The following EZH2 variants were observed in gnomAD, a reference collection of about 807,000 sequenced individuals.
The protein encoded by EZH2 is histone-lysine N-methyltransferase EZH2.
In EZH2, 18 loss-of-function variants were observed where a neutral mutation model predicts 98.4. The observed-to-expected ratio is 0.18, with a 90% CI of 0.13 to 0.27. The LOEUF (loss-of-function observed/expected upper bound fraction) is 0.27, where lower values mean the gene tolerates loss of function less well. Among genes scored for constraint, EZH2 ranks in the 10% least tolerant of loss-of-function variants. EZH2 has a pLI of 1.00. For synonymous variants in EZH2, 338 were observed against 312.3 expected, an observed-to-expected ratio of 1.08 and a Z score of -0.87; for missense variants, 470 against 935.1, an observed-to-expected ratio of 0.50 and a Z score of 6.49.
In EZH2 at chr7:148,828,897, G is replaced by T. The variant is rs764034832; in HGVS notation, c.485-17C>A. On this transcript the variant is annotated splice_polypyrimidine_tract_variant and intron_variant, in intron 5 of 19. Coordinates refer to ENST00000320356, the MANE Select transcript of EZH2 (RefSeq NM_004456.5). ...ACCCACATTCTGAAACGCATCAAAT[G>T]TCAGAAACACACAGGAGAAGCAATA... 7.5e-6 allele frequency: 12 copies of T among 1,590,926 alleles called. No individual in the cohort carries two copies. In the East Asian group the frequency reaches 2.1e-4, roughly 27 times the overall value.
chr7:148,840,344 T>A (rs985631702), intron 3 of EZH2, among the ~76,000 whole-genome samples: 3 of 152,128 alleles, frequency 2.0e-5, no homozygotes, highest in East Asian at 1.9e-4. Context: ...ACATATTTTT[T>A]AAAAGAATGA....
intron 1 of EZH2, among the ~76,000 whole-genome samples, chr7:148,878,465 T>A (rs1820477190): frequency 6.6e-6 from 1 of 152,254 alleles, no homozygotes; most frequent in Non-Finnish European, 1.5e-5. Context: ...TATGTCTGAA[T>A]TATTTTGAAA....
intron 1 of EZH2, among the ~76,000 whole-genome samples, chr7:148,856,428 T>C (rs1175905441): frequency 3.9e-5 from 6 of 152,234 alleles, no homozygotes; most frequent in Admixed American, 2.0e-4. Context: ...AACGTAGGTA[T>C]GTATGCACAT....
At chr7:148,815,671 CTGCCCAGTTTATATT>C (rs1804360796) in intron 12 of EZH2, 125 bp from the exon 13 acceptor site, 1 of 825,892 alleles carries the variant, frequency 1.2e-6, no homozygotes, top group Non-Finnish European at 2.0e-6. Flanking sequence ...GAGTCATGCC[CTGCCCAGTTTATATT>C]TGCCATCAGT....
intron 14 of EZH2, 125 bp downstream of exon 14, chr7:148,814,789 C>G: frequency 1.7e-6 from 2 of 1,205,158 alleles, no homozygotes; most frequent in Non-Finnish European, 2.2e-6. Flanking sequence ...AAATACTTGT[C>G]AAATTGATGA....
intron 9 of EZH2, chr7:148,818,926 AAC>A (rs1268521527): frequency 2.5e-6 from 1 of 393,018 alleles, no homozygotes; most frequent in African/African-American, 2.1e-5. Context: ...GACAGCAGCC[AAC>A]AGTTTTATAC....
chr7:148,860,772 G>C (rs560207940), intron 1 of EZH2, among the ~76,000 whole-genome samples: 1 of 152,206 alleles, frequency 6.6e-6, no homozygotes, highest in African/African-American at 2.4e-5. Context: ...CCTGGGCTTA[G>C]GTGATCCTCT....
chr7:148,881,731 C>A (rs142275291), intron 1 of EZH2, among the ~76,000 whole-genome samples: 2 of 151,872 alleles, frequency 1.3e-5, no homozygotes, highest in African/African-American at 4.8e-5. Flanking sequence ...GTCAGGAGTT[C>A]GAGACCAGCC....
intron 8 of EZH2, 37 bp from the exon 9 acceptor site, chr7:148,819,724 A>ATAAAATACT (rs748234731): frequency 6.4e-7 from 1 of 1,556,508 alleles, no homozygotes; most frequent in Non-Finnish European, 8.8e-7. Flanking sequence ...TAATATAACT[A>ATAAAATACT]TAAAATACTT....
intron 1 of EZH2, among the ~76,000 whole-genome samples, chr7:148,865,127 A>G (rs1818265094): frequency 1.0e-5 from 1 of 96,974 alleles, no homozygotes; most frequent in Non-Finnish European, 2.0e-5. Context: ...ACTTGTCTCA[A>G]AAAAAAAAAA....
intron 8 of EZH2, among the ~76,000 whole-genome samples, chr7:148,824,314 C>CAAA (rs35218853): frequency 3.8e-5 from 5 of 132,326 alleles, no homozygotes; most frequent in East Asian, 2.2e-4. Flanking sequence ...GACTTCGTCT[C>CAAA]AAAAAAAAAA....
At chr7:148,810,556 C>T (rs1434919030) in intron 16 of EZH2, 142 bp from the exon 17 acceptor site, 1 of 542,982 alleles carries the variant, frequency 1.8e-6, no homozygotes, top group Non-Finnish European at 3.4e-6. Flanking sequence ...TTCTCTTTCC[C>T]ATTCGGTCTG....
chr7:148,850,941 G>A (rs903146256), intron 1 of EZH2, among the ~76,000 whole-genome samples: 8 of 152,062 alleles, frequency 5.3e-5, no homozygotes, highest in African/African-American at 1.7e-4. Flanking sequence ...CAAAAGTTAC[G>A]TAGCTAGAGT....
chr7:148,872,198 T>C (rs2129492348), intron 1 of EZH2, among the ~76,000 whole-genome samples: 1 of 152,244 alleles, frequency 6.6e-6, no homozygotes, highest in South Asian at 2.1e-4. Context: ...TGGAAGAACC[T>C]CAATGACATT....
At chr7:148,821,930 T>C (rs1407897882) in intron 8 of EZH2, among the ~76,000 whole-genome samples, 2 of 152,142 alleles carry the variant, frequency 1.3e-5, no homozygotes, top group Non-Finnish European at 2.9e-5. Context: ...GCCTCATGAA[T>C]AGACTAAAGG....
At chr7:148,841,640 T>C (rs1270025541) in intron 3 of EZH2, among the ~76,000 whole-genome samples, 2 of 152,180 alleles carry the variant, frequency 1.3e-5, no homozygotes, top group East Asian at 3.8e-4. Flanking sequence ...ACCATGTTAC[T>C]ACACTCAAAG....
chr7:148,844,632 G>C (rs928953046), intron 3 of EZH2, among the ~76,000 whole-genome samples: 2 of 152,082 alleles, frequency 1.3e-5, no homozygotes, highest in African/African-American at 4.8e-5. Flanking sequence ...ACTAACTTTA[G>C]AAAACAATTT....
chr7:148,876,449 T>C (rs1820182692), intron 1 of EZH2, among the ~76,000 whole-genome samples: 1 of 152,216 alleles, frequency 6.6e-6, no homozygotes, highest in Non-Finnish European at 1.5e-5. Flanking sequence ...TTTTATTGTA[T>C]GTAAATTATA....
At chr7:148,859,463 C>T (rs1447446039) in intron 1 of EZH2, among the ~76,000 whole-genome samples, 2 of 152,008 alleles carry the variant, frequency 1.3e-5, no homozygotes, top group South Asian at 2.1e-4. Flanking sequence ...CCAAGATGTG[C>T]CACTGCACCA....
Sources: gnomAD v4.1 joint callset for allele counts (sites outside exome capture counted in the v4.1 genomes callset) on GRCh38, gnomAD v4.1.1 for gene constraint, MANE v1.5 for transcripts, NCBI Gene and HGNC (gene_info 2026-07-23, HGNC 2026-07-21) for gene names.